The following TMEM132B variants were observed in gnomAD, a reference collection of about 807,000 sequenced individuals.
TMEM132B encodes transmembrane protein 132B.
In TMEM132B, 18 loss-of-function variants were observed where a neutral mutation model predicts 90.8. That is an observed-to-expected ratio of 0.20 (90% confidence interval 0.14 to 0.29). TMEM132B has a LOEUF of 0.29. TMEM132B is among the 10% of genes least tolerant of loss of function. TMEM132B has a pLI of 1.00. For synonymous variants in TMEM132B, 504 were observed against 523.3 expected, an observed-to-expected ratio of 0.96 and a Z score of 0.50; for missense variants, 1,096 against 1,326.8, an observed-to-expected ratio of 0.83 and a Z score of 2.70.
chr12:125,525,062 G>A (rs1883411187), intron 4 of TMEM132B, among the ~76,000 whole-genome samples: 1 of 152,120 alleles, frequency 6.6e-6, no homozygotes, highest in African/African-American at 2.4e-5. Context: ...CGCTTAGAGG[G>A]CTGCAGGTGG....
intron 5 of TMEM132B, among the ~76,000 whole-genome samples, chr12:125,610,499 T>A (rs781176492): frequency 6.6e-6 from 1 of 152,100 alleles, no homozygotes; most frequent in East Asian, 1.9e-4. Context: ...GTCCATTGAG[T>A]TGATCATGTG....
intron 4 of TMEM132B, among the ~76,000 whole-genome samples, chr12:125,564,483 T>G (rs2136807291): frequency 6.6e-6 from 1 of 152,268 alleles, no homozygotes; most frequent in Admixed American, 6.5e-5. Context: ...TTCTGTTCGG[T>G]TTTCTCAGAA....
chr12:125,648,434 A>G (rs1886821594), intron 6 of TMEM132B, among the ~76,000 whole-genome samples: 1 of 151,848 alleles, frequency 6.6e-6, no homozygotes, highest in Non-Finnish European at 1.5e-5. Flanking sequence ...AATAAGCTCT[A>G]TGTATACCAT....
chr12:125,191,548 C>T (rs75866612), intron 1 of TMEM132B, among the ~76,000 whole-genome samples: 1,713 of 152,300 alleles, frequency 0.011, 30 homozygotes, highest in African/African-American at 0.039. Flanking sequence ...ACCAGCCAGG[C>T]TTATACTCCC....
In TMEM132B at chr12:125,543,744, G is replaced by A. The variant is rs931798753; in HGVS notation, c.1293+24119G>A. 7.2e-5 allele frequency among the ~76,000 whole-genome samples: 11 copies of A among 152,206 alleles called. No homozygotes were observed. In the East Asian group the frequency reaches 1.2e-3, roughly 16 times the overall value. ...GGAGAAATAGGAAAGCTTTTACACT[G>A]TTTGTGGGAATGTCAATTAGTTCAA... On this transcript the variant is annotated intron_variant, in intron 4 of 8. Coordinates refer to ENST00000682704, the MANE Select transcript of TMEM132B (RefSeq NM_001366854.1).
At chr12:125,327,570 G>C (rs1188217282) in intron 1 of TMEM132B, 1 of 152,242 alleles carries the variant, frequency 6.6e-6, no homozygotes, top group East Asian at 1.9e-4. Context: ...GCAGTATGTT[G>C]ACAGGTTGCA....
At chr12:125,626,132 C>T (rs1351114971) in intron 5 of TMEM132B, among the ~76,000 whole-genome samples, 1 of 152,064 alleles carries the variant, frequency 6.6e-6, no homozygotes, top group Non-Finnish European at 1.5e-5. Flanking sequence ...TTTATTCTTC[C>T]TTAAATTATT....
chr12:125,468,812 C>T (rs781094853), intron 3 of TMEM132B, among the ~76,000 whole-genome samples: 40 of 152,216 alleles, frequency 2.6e-4, no homozygotes, highest in Middle Eastern at 3.4e-3. Context: ...ATCCTCTAAC[C>T]GTCTTGGTTA....
At chr12:125,346,389 G>A (rs753163514) in intron 1 of TMEM132B, among the ~76,000 whole-genome samples, 2 of 152,040 alleles carry the variant, frequency 1.3e-5, no homozygotes, top group African/African-American at 2.4e-5. Flanking sequence ...TAAATTTTAC[G>A]AGAAGTAAAA....
intron 4 of TMEM132B, among the ~76,000 whole-genome samples, chr12:125,559,806 G>T (rs561655302): frequency 1.3e-5 from 2 of 152,158 alleles, no homozygotes; most frequent in Admixed American, 1.3e-4. Flanking sequence ...CTTTGTCTCC[G>T]ATTGACACAT....
At position 125,332,583 on chromosome 12, in the gene TMEM132B, C is replaced by CTTTTT. The variant is rs201828438; in HGVS notation, c.68-16838_68-16834dup. Among the ~76,000 whole-genome samples, 16 of 52,418 alleles carry CTTTTT rather than the reference C, an allele frequency of 3.1e-4. 1 individual carries two copies. The East Asian group carries it at 3.9e-3, about 13-fold the overall frequency. The allele number at this position is 52,418 out of a possible 152,430, so 34.4% of individuals were successfully genotyped here. ...CTGAGAAATTAATTCAGAGAGTTGG[C>CTTTTT]TTTTTTTTTTTTTTTTTTTTTTTTT... On this transcript the variant is annotated intron_variant, in intron 1 of 8. Coordinates refer to ENST00000682704, the MANE Select transcript of TMEM132B (RefSeq NM_001366854.1).
chr12:125,583,974 G>T lies in TMEM132B; in HGVS notation c.1417G>T (p.Ala473Ser), dbSNP rs756152307. 11 of 1,614,202 alleles carry T rather than the reference G, an allele frequency of 6.8e-6. No individual in the cohort carries two copies. The South Asian group carries it at 1.2e-4, about 18-fold the overall frequency. ...GTCTGAGTCTGTGGAATGCAAGTCT[G>T]CCGATGAAGATGTCATTAAGGTAAG... ...DVSESVECKS[A>S]DEDVIKVSNN... The change falls in exon 5 of 9, where the codon GCC (alanine) becomes TCC (serine). Residue 473 changes from alanine to serine, a missense_variant. Coordinates refer to ENST00000682704, the MANE Select transcript of TMEM132B (RefSeq NM_001366854.1).
At chr12:125,236,586 A>C (rs1488360435) in intron 1 of TMEM132B, among the ~76,000 whole-genome samples, 1 of 152,188 alleles carries the variant, frequency 6.6e-6, no homozygotes, top group African/African-American at 2.4e-5. Context: ...AGGCAGTTGC[A>C]TCATGTCTCT....
At chr12:125,388,884 C>G (rs1878922854) in intron 2 of TMEM132B, among the ~76,000 whole-genome samples, 1 of 152,092 alleles carries the variant, frequency 6.6e-6, no homozygotes. Context: ...TGCATTTTAT[C>G]CTCAAACTAC....
Position 125,511,649 on chromosome 12 carries a change from G to C in TMEM132B, c.1107-7790G>C, listed in dbSNP as rs549656465. Among the ~76,000 whole-genome samples the C allele has an allele frequency of 2.6e-5, 4 of 151,836 alleles. No homozygotes were observed. In the South Asian group the frequency reaches 8.3e-4, roughly 32 times the overall value. On this transcript the variant is annotated intron_variant, in intron 3 of 8. Transcript: ENST00000682704. ...GGGCGGATCACGAGGTTAGGAGATC[G>C]AGAGCATCCTGGCTAACATGGTGAA...
intron 4 of TMEM132B, among the ~76,000 whole-genome samples, chr12:125,566,542 G>A (rs4765053): frequency 0.95 from 144,741 of 152,156 alleles, 68,886 homozygotes; most frequent in African/African-American, 0.98. Context: ...CTCAGTGGAC[G>A]TGGCGGGGTT....
chr12:125,397,842 G>A (rs1879210953), intron 2 of TMEM132B, among the ~76,000 whole-genome samples: 2 of 152,242 alleles, frequency 1.3e-5, no homozygotes, highest in Admixed American at 1.3e-4. Context: ...GATGAACAAA[G>A]CACATTCCTG....
intron 5 of TMEM132B, among the ~76,000 whole-genome samples, chr12:125,601,860 T>A (rs1402228602): frequency 6.6e-6 from 1 of 152,172 alleles, no homozygotes; most frequent in Non-Finnish European, 1.5e-5. Flanking sequence ...CTAGAAAATC[T>A]GGGAGAAATG....
chr12:125,368,569 A>C lies in TMEM132B; in HGVS notation c.959+18226A>C, dbSNP rs372945778. On this transcript the variant is annotated intron_variant, in intron 2 of 8. Coordinates refer to ENST00000682704, the MANE Select transcript of TMEM132B (RefSeq NM_001366854.1). ...TTTCCTTTTTTGCATGGATTTGCCC[A>C]GTGGGAGGCAGCAGTGGAAGACTAG... 3.3e-5 allele frequency among the ~76,000 whole-genome samples: 5 copies of C among 152,260 alleles called. No homozygotes were observed. In the East Asian group the frequency reaches 7.7e-4, roughly 23 times the overall value.
Sources: allele counts gnomAD v4.1 joint callset (sites outside exome capture counted in the v4.1 genomes callset), GRCh38; gene constraint gnomAD v4.1.1; transcripts MANE v1.5; gene names NCBI Gene and HGNC (gene_info 2026-07-23, HGNC 2026-07-21).